Variants in CFAP54 observed in about 807,000 individuals in gnomAD.
CFAP54 encodes the protein cilia and flagella associated protein 54, also known as cilia- and flagella-associated protein 54.
Under a neutral mutation model 370.4 loss-of-function variants are expected in CFAP54, and 290 were observed. That is an observed-to-expected ratio of 0.78 (90% CI 0.71 to 0.86). CFAP54 has a LOEUF of 0.86. CFAP54 is among the 40% of genes least tolerant of loss of function. The probability of loss-of-function intolerance (pLI) is 0.00; values close to 1 mark genes in which losing one functional copy is unlikely to be tolerated. For synonymous variants in CFAP54, 1,206 were observed against 1,236.5 expected (o/e 0.98, Z 0.52); for missense variants, 3,399 against 3,528.7 (o/e 0.96, Z 0.93).
chr12:96,832,403 T>C (rs1481873758), intron 66 of CFAP54, among the ~76,000 whole-genome samples: 1 of 152,040 alleles, frequency 6.6e-6, no homozygotes, highest in East Asian at 1.9e-4. Context: ...GTCTTGTTAG[T>C]TGTGTGAACT....
At chr12:96,663,953 G>T in intron 39 of CFAP54, 21 bp downstream of exon 39, 1 of 1,554,784 alleles carries the variant, frequency 6.4e-7, no homozygotes, top group South Asian at 1.1e-5. Context: ...ATCTTAGCTT[G>T]AATGTTTGTT....
At chr12:96,637,339 AAAT>A (rs1234747251) in intron 32 of CFAP54, among the ~76,000 whole-genome samples, 3 of 152,182 alleles carry the variant, frequency 2.0e-5, no homozygotes, top group Admixed American at 1.3e-4. Flanking sequence ...TGGCTATTAT[AAAT>A]AATACTGCTG....
At chr12:96,822,537 A>G (rs957897681) in intron 65 of CFAP54, among the ~76,000 whole-genome samples, 2 of 152,168 alleles carry the variant, frequency 1.3e-5, no homozygotes, top group Admixed American at 6.5e-5. Flanking sequence ...AGGTGAGAAT[A>G]TACAGAAATC....
intron 46 of CFAP54, among the ~76,000 whole-genome samples, chr12:96,700,560 C>A (rs989415428): frequency 6.6e-6 from 1 of 152,104 alleles, no homozygotes; most frequent in Non-Finnish European, 1.5e-5. Context: ...AGAGAACATT[C>A]CTCCATATTG....
intron 60 of CFAP54, among the ~76,000 whole-genome samples, chr12:96,777,508 C>G (rs1170540201): frequency 6.6e-6 from 1 of 152,070 alleles, no homozygotes; most frequent in Non-Finnish European, 1.5e-5. Flanking sequence ...CACCACCATG[C>G]CCGGCTAATT....
intron 39 of CFAP54, among the ~76,000 whole-genome samples, chr12:96,675,681 AC>A (rs947208278): frequency 6.6e-6 from 1 of 152,224 alleles, no homozygotes; most frequent in Non-Finnish European, 1.5e-5. Context: ...AAGACTTGGA[AC>A]CAAGCCAAAT....
chr12:96,514,743 T>G (rs1955211281), intron 5 of CFAP54, among the ~76,000 whole-genome samples: 1 of 152,236 alleles, frequency 6.6e-6, no homozygotes, highest in Admixed American at 6.5e-5. Context: ...GTAAGACATT[T>G]CTTCTCTGCC....
At chr12:96,656,448 A>G (rs1329624049) in intron 36 of CFAP54, among the ~76,000 whole-genome samples, 4 of 151,696 alleles carry the variant, frequency 2.6e-5, no homozygotes, top group Non-Finnish European at 5.9e-5. Context: ...CACAATCTCG[A>G]CTCACCACAA....
chr12:96,493,607 G>A (rs1397059538), intron 1 of CFAP54, among the ~76,000 whole-genome samples: 5 of 152,114 alleles, frequency 3.3e-5, no homozygotes, highest in Non-Finnish European at 7.3e-5. Flanking sequence ...GACCAGCCTG[G>A]CCAACATAGT....
At position 96,825,377 on chromosome 12, in the gene CFAP54, G is replaced by GT. The variant is rs1351395402; in HGVS notation, c.9097-3636dup. 3.3e-3 allele frequency among the ~76,000 whole-genome samples: 361 copies of GT among 109,932 alleles called. 14 individuals are homozygous for GT. In the East Asian group the frequency reaches 0.041, roughly 13 times the overall value. 72.1% of individuals were successfully genotyped at this position (109,932 alleles called of 152,430 possible). The stretch of plus-strand genomic sequence containing the variant: ...TGTTATATTATATATTATGTAACAT[G>GT]TGTTATATATTATGTAACATGTTGT... On this transcript the variant is annotated intron_variant, in intron 65 of 67. Transcript: ENST00000524981.
At chr12:96,605,642 A>G (rs1339658145) in intron 26 of CFAP54, among the ~76,000 whole-genome samples, 1 of 123,746 alleles carries the variant, frequency 8.1e-6, no homozygotes, top group Non-Finnish European at 1.9e-5. Flanking sequence ...ACGATTACCT[A>G]TTTGTGTCAG....
intron 55 of CFAP54, among the ~76,000 whole-genome samples, chr12:96,744,689 A>G (rs977682590): frequency 6.6e-6 from 1 of 152,084 alleles, no homozygotes; most frequent in Non-Finnish European, 1.5e-5. Context: ...TTTATTTTTT[A>G]TTATTTATTT....
chr12:96,801,180 T>C (rs1443661203), intron 63 of CFAP54, among the ~76,000 whole-genome samples: 1 of 152,126 alleles, frequency 6.6e-6, no homozygotes, highest in Admixed American at 6.6e-5. Context: ...AATCCCAGCA[T>C]TGGGGATTTT....
At chr12:96,819,819 G>A (rs754623838) in intron 65 of CFAP54, among the ~76,000 whole-genome samples, 9 of 151,896 alleles carry the variant, frequency 5.9e-5, no homozygotes, top group African/African-American at 7.3e-5. Context: ...TGTCTCAAAC[G>A]CATTTTCCTC....
chr12:96,780,597 T>C (rs1275421630), intron 60 of CFAP54, among the ~76,000 whole-genome samples: 4 of 151,998 alleles, frequency 2.6e-5, no homozygotes, highest in Non-Finnish European at 5.9e-5. Context: ...AAATAGGAGG[T>C]ACACAGAAAC....
At chr12:96,522,738 G>T (rs1382470106) in intron 8 of CFAP54, among the ~76,000 whole-genome samples, 5 of 152,118 alleles carry the variant, frequency 3.3e-5, no homozygotes, top group African/African-American at 1.2e-4. Context: ...TACAAAAGCT[G>T]CTCAGGGCCA....
At chr12:96,864,088 A>G (rs532290890) in intron 67 of CFAP54, among the ~76,000 whole-genome samples, 8 of 152,326 alleles carry the variant, frequency 5.3e-5, no homozygotes, top group Admixed American at 5.2e-4. Flanking sequence ...AGATGTGTTT[A>G]TTTCCAGAAA....
intron 1 of CFAP54, among the ~76,000 whole-genome samples, chr12:96,498,035 C>G (rs750556433): frequency 6.6e-6 from 1 of 152,196 alleles, no homozygotes; most frequent in Non-Finnish European, 1.5e-5. Flanking sequence ...GATCAAAACC[C>G]CTTTTCTGGC....
chr12:96,571,065 A>C (rs571970995), intron 19 of CFAP54, among the ~76,000 whole-genome samples: 1 of 152,330 alleles, frequency 6.6e-6, no homozygotes, highest in East Asian at 1.9e-4. Context: ...TGTAGGAAAT[A>C]TGGTACTTTA....
Sources: gnomAD v4.1 joint callset for allele counts (sites outside exome capture counted in the v4.1 genomes callset) on GRCh38, gnomAD v4.1.1 for gene constraint, MANE v1.5 for transcripts, NCBI Gene and HGNC (gene_info 2026-07-23, HGNC 2026-07-21) for gene names.